The following ALLC variants were observed in gnomAD, a reference collection of about 807,000 sequenced individuals.
ALLC encodes the protein allantoicase.
In ALLC, 40 loss-of-function variants were observed where a neutral mutation model predicts 45.0. The ratio of observed to expected loss-of-function variants is 0.89; its 90% CI spans 0.69 to 1.16. The LOEUF is 1.16. ALLC is among the 50% of genes most tolerant of loss of function. ALLC has a pLI of 0.00. For synonymous variants in ALLC, 176 were observed against 178.1 expected, an observed-to-expected ratio of 0.99 and a Z score of 0.09; for missense variants, 488 against 493.1, an observed-to-expected ratio of 0.99 and a Z score of 0.10.
intron 1 of ALLC, among the ~76,000 whole-genome samples, chr2:3,667,422 A>G (rs2147995122): frequency 6.6e-6 from 1 of 152,142 alleles, no homozygotes; most frequent in African/African-American, 2.4e-5. Flanking sequence ...TTTAACCAAC[A>G]CTCCCGTGAC....
At chr2:3,669,896 T>C (rs1179038900) in intron 1 of ALLC, among the ~76,000 whole-genome samples, 1 of 152,098 alleles carries the variant, frequency 6.6e-6, no homozygotes, top group African/African-American at 2.4e-5. Context: ...AGGGGAGATG[T>C]TTTGAGTTGT....
At chr2:3,652,580 ATTTTTTTTTTT>A in the ALLC span, among the ~76,000 whole-genome samples, 20 of 93,356 alleles carry the variant, frequency 2.1e-4, no homozygotes, top group African/African-American at 5.2e-4. Flanking sequence ...AAACTTTGTG[ATTTTTTTTTTT>A]TTTTTTTTTT....
At position 3,687,813 on chromosome 2, in the gene ALLC, T is replaced by C. The variant is rs993089122; in HGVS notation, c.511+4739T>C. On this transcript the variant is annotated intron_variant, in intron 7 of 11. Coordinates refer to ENST00000252505, the MANE Select transcript of ALLC (RefSeq NM_018436.4). ...TGAGTACAGTGGACTTTATTGATGGTATGTGACAGGATGTGGCTCCCTAGG... is the reference window on the plus strand; with the variant it reads ...TGAGTACAGTGGACTTTATTGATGGCATGTGACAGGATGTGGCTCCCTAGG... Among the ~76,000 whole-genome samples, 3 of 150,950 alleles carry C rather than the reference T, an allele frequency of 2.0e-5. 1 individual carries two copies. Among genetic ancestry groups the C allele is most frequent in the Non-Finnish European group, 4.4e-5 (3 of 67,576 alleles).
At chr2:3,700,580 A>T (rs1053068190) in intron 10 of ALLC, among the ~76,000 whole-genome samples, 2 of 152,206 alleles carry the variant, frequency 1.3e-5, no homozygotes, top group Admixed American at 1.3e-4. Context: ...TGGTACATAC[A>T]ATATGATGAC....
Position 3,696,271 on chromosome 2 carries a change from G to A in ALLC, c.668-4G>A, listed in dbSNP as rs1667668223. On this transcript the variant is annotated splice_polypyrimidine_tract_variant and splice_region_variant and intron_variant, in intron 8 of 11. Coordinates refer to ENST00000252505, the MANE Select transcript of ALLC (RefSeq NM_018436.4). Reference sequence around the variant, plus strand: ...TTACCATTCAACAATGTTATTTTCTGTAGGAGTTGGCGGGGCAAAGTCTAT... The same window carrying A: ...TTACCATTCAACAATGTTATTTTCTATAGGAGTTGGCGGGGCAAAGTCTAT... 3 of 1,611,616 alleles carry A rather than the reference G, an allele frequency of 1.9e-6. No individual in the cohort carries two copies. The highest frequency in any genetic ancestry group is 1.3e-5 in the African/African-American group (1 of 74,846).
chr2:3,695,546 A>G, intron 7 of ALLC, 171 bp from the exon 8 acceptor site: 1 of 653,086 alleles, frequency 1.5e-6, no homozygotes, highest in Non-Finnish European at 2.7e-6. Context: ...ACAGGGTAAT[A>G]TCAAGTGCAA....
At chr2:3,677,113 C>CACATTTTTAAGGAACAT (rs1667045058) in intron 3 of ALLC, among the ~76,000 whole-genome samples, 2 of 152,102 alleles carry the variant, frequency 1.3e-5, no homozygotes, top group Non-Finnish European at 2.9e-5. Flanking sequence ...TTAAGGAACA[C>CACATTTTTAAGGAACAT]ACATTTTTAA....
intron 1 of ALLC, among the ~76,000 whole-genome samples, chr2:3,663,117 A>G (rs148081470): frequency 1.2e-4 from 18 of 152,362 alleles, no homozygotes; most frequent in East Asian, 9.6e-4. Flanking sequence ...ACAAAGACAC[A>G]TGCATGCACC....
intron 10 of ALLC, among the ~76,000 whole-genome samples, chr2:3,697,727 G>T (rs1157787351): frequency 6.7e-6 from 1 of 150,366 alleles, no homozygotes; most frequent in Non-Finnish European, 1.5e-5. Context: ...GTGCAGTGGC[G>T]CAATCTCAGC....
intron 2 of ALLC, among the ~76,000 whole-genome samples, chr2:3,672,933 C>T (rs967459517): frequency 6.6e-6 from 1 of 152,212 alleles, no homozygotes; most frequent in African/African-American, 2.4e-5. Flanking sequence ...CCTGTGCCTG[C>T]CCCCAGGAAG....
chr2:3,670,490 G>C (rs1261205791), intron 1 of ALLC, among the ~76,000 whole-genome samples: 1 of 152,110 alleles, frequency 6.6e-6, no homozygotes, highest in Non-Finnish European at 1.5e-5. Context: ...CAACATGAGG[G>C]TGCTGGGGAG....
At chr2:3,682,073 G>A (rs971807668) in intron 6 of ALLC, among the ~76,000 whole-genome samples, 47 of 151,590 alleles carry the variant, frequency 3.1e-4, no homozygotes, top group African/African-American at 1.1e-3. Context: ...AAGAAACGGG[G>A]GAAAAAAATA....
At chr2:3,663,271 GGAACAT>G (rs1666620819) in intron 1 of ALLC, among the ~76,000 whole-genome samples, 1 of 152,162 alleles carries the variant, frequency 6.6e-6, no homozygotes, top group Non-Finnish European at 1.5e-5. Flanking sequence ...GTCCTTTGTA[GGAACAT>G]GAATGGAGCT....
intron 1 of ALLC, among the ~76,000 whole-genome samples, chr2:3,666,497 T>C (rs1278527423): frequency 1.3e-5 from 2 of 152,212 alleles, no homozygotes; most frequent in Non-Finnish European, 2.9e-5. Context: ...GCTTAGTCTG[T>C]AACCCGCCCA....
chr2:3,699,771 T>C (rs924282724), intron 10 of ALLC, among the ~76,000 whole-genome samples: 3 of 152,258 alleles, frequency 2.0e-5, no homozygotes, highest in Non-Finnish European at 4.4e-5. Context: ...CATTTTTTCA[T>C]ATGCTTGTTG....
In ALLC at chr2:3,680,596, C is replaced by T. The variant is rs538411161; in HGVS notation, c.298+602C>T. ...GCTGACAAATCCAGTCTGTTGGTAA[C>T]GGGTATTTTATTGGGGGAACTTACG... On this transcript the variant is annotated intron_variant, in intron 5 of 11. Transcript: ENST00000252505. This position sits in a 1 kb window ranked among gnomAD's most constrained non-coding sequence, Gnocchi z 4.0. 3.9e-5 allele frequency among the ~76,000 whole-genome samples: 6 copies of T among 152,258 alleles called. No individual in the cohort carries two copies. The highest frequency in any genetic ancestry group is 5.9e-5 in the Non-Finnish European group (4 of 68,018).
At chr2:3,681,786 G>A in intron 6 of ALLC, 73 bp downstream of exon 6, 1 of 1,179,764 alleles carries the variant, frequency 8.5e-7, no homozygotes, top group Admixed American at 2.3e-5. Context: ...CTGCACACCT[G>A]GCTGTGCAAG....
chr2:3,676,640 T>C (rs534564337), intron 3 of ALLC, among the ~76,000 whole-genome samples: 1 of 152,346 alleles, frequency 6.6e-6, no homozygotes, highest in East Asian at 1.9e-4. Context: ...ATAATAACTG[T>C]CCATGTCATC....
chr2:3,697,930 G>T lies in ALLC; in HGVS notation c.850+474G>T, dbSNP rs149844752. ...TTCACCCGTCGCAGCCTCCCAAAGT[G>T]CTGGGATTACAGGCCTGAGCCACTG... On this transcript the variant is annotated intron_variant, in intron 10 of 11. Transcript: ENST00000252505. Among the ~76,000 whole-genome samples, 1,328 of 151,434 alleles carry T rather than the reference G, an allele frequency of 8.8e-3. 19 individuals carry two copies. Among genetic ancestry groups the T allele is most frequent in the African/African-American group, 0.029 (1,206 of 41,178 alleles).
Sources: gnomAD v4.1 joint callset for allele counts (sites outside exome capture counted in the v4.1 genomes callset) on GRCh38, gnomAD v4.1.1 for gene constraint, Gnocchi (gnomAD v3.1) non-coding constraint, MANE v1.5 for transcripts, NCBI Gene and HGNC (gene_info 2026-07-23, HGNC 2026-07-21) for gene names.